The following SP100 variants were observed in gnomAD, a reference collection of about 807,000 sequenced individuals.
SP100 encodes the protein SP100 nuclear body protein.
Under a neutral mutation model 130.0 loss-of-function variants are expected in SP100, and 84 were observed. The ratio of observed to expected loss-of-function variants is 0.65; its 90% confidence interval spans 0.54 to 0.77. The LOEUF is 0.77. Ranked by LOEUF, SP100 falls within the 30% of genes least tolerant of loss-of-function variation. SP100 has a pLI of 0.00. For synonymous variants in SP100, 331 were observed against 351.7 expected, an observed-to-expected ratio of 0.94 and a Z score of 0.66; for missense variants, 978 against 1,052.2, an observed-to-expected ratio of 0.93 and a Z score of 0.97.
chr2:230,473,552 A>T, intron 16 of SP100, 112 bp downstream of exon 16: 1 of 608,374 alleles, frequency 1.6e-6, no homozygotes, highest in African/African-American at 1.9e-5. Flanking sequence ...CAGCCTCTGG[A>T]TCACCAACAG....
At chr2:230,514,706 G>A (rs975056329) in intron 24 of SP100, among the ~76,000 whole-genome samples, 1 of 152,172 alleles carries the variant, frequency 6.6e-6, no homozygotes, top group African/African-American at 2.4e-5. Flanking sequence ...TTTTAAGTTG[G>A]CTTTGCTGGA....
chr2:230,521,518 T>A (rs1691169502), intron 24 of SP100, among the ~76,000 whole-genome samples: 1 of 152,190 alleles, frequency 6.6e-6, no homozygotes, highest in Non-Finnish European at 1.5e-5. Context: ...TATAAACCCC[T>A]AATTTTAGTC....
intron 2 of SP100, among the ~76,000 whole-genome samples, chr2:230,436,926 AAGTGTATACACACACG>A (rs746374138): frequency 1.2e-5 from 1 of 81,136 alleles, no homozygotes; most frequent in Non-Finnish European, 2.5e-5. Context: ...GTATACACAC[AAGTGTATACACACACG>A]CATATATGTG....
At chr2:230,525,370 C>T (rs1002485138) in intron 24 of SP100, among the ~76,000 whole-genome samples, 2 of 152,060 alleles carry the variant, frequency 1.3e-5, no homozygotes, top group African/African-American at 2.4e-5. Context: ...TAACATTGCT[C>T]ATAGTTAAAG....
intron 8 of SP100, among the ~76,000 whole-genome samples, chr2:230,455,228 A>AT (rs1028692491): frequency 6.6e-6 from 1 of 151,838 alleles, no homozygotes; most frequent in African/African-American, 2.4e-5. Context: ...CATCTGACTA[A>AT]TTTTTTTTAG....
chr2:230,541,151 A>T (rs1692157283), intron 26 of SP100, 150 bp from the exon 27 acceptor site: 2 of 1,246,592 alleles, frequency 1.6e-6, no homozygotes, highest in Non-Finnish European at 2.2e-6. Context: ...TTCATATTCC[A>T]AAGAAAAATC....
Position 230,469,296 on chromosome 2 carries a change from A to G in SP100, c.1345+200A>G, listed in dbSNP as rs1649878. 0.23 allele frequency among the ~76,000 whole-genome samples: 34,978 copies of G among 152,042 alleles called. 4,845 individuals are homozygous for G. The highest frequency in any genetic ancestry group is 0.32 in the Non-Finnish European group (21,740 of 67,880). On this transcript the variant is annotated intron_variant, in intron 14 of 28. Coordinates refer to ENST00000340126, the MANE Select transcript of SP100 (RefSeq NM_001080391.2). ...AAATGTTCAAAGGCACAAGTGCAAC[A>G]TAAGTTTATTTTTCACTCACATAAA...
At chr2:230,491,516 C>T (rs1416923316) in intron 17 of SP100, among the ~76,000 whole-genome samples, 1 of 152,226 alleles carries the variant, frequency 6.6e-6, no homozygotes, top group Non-Finnish European at 1.5e-5. Flanking sequence ...GCCTCCCTGG[C>T]TCCAGCAGAG....
Position 230,462,495 on chromosome 2 carries a change from T to A in SP100, c.1034T>A (p.Ile345Asn). 6.2e-7 allele frequency: 1 copy of A among 1,613,752 alleles called. No individual in the cohort carries two copies. The highest frequency in any genetic ancestry group is 1.7e-5 in the Admixed American group (1 of 60,014). The stretch of plus-strand genomic sequence containing the variant: ...GTTGATGAGCCCTTAGAAGTCTTCA[T>A]CTCAGCACCGAGAAGTGAGCCTGGT... ...TDVDEPLEVF[I>N]SAPRSEPVIN... The change falls in exon 10 of 29, where the codon ATC becomes AAC. Residue 345 changes from isoleucine (I) to asparagine (N), a missense_variant. By Grantham distance (149) the Ile-to-Asn change is moderately radical. Transcript: ENST00000340126.
intron 24 of SP100, among the ~76,000 whole-genome samples, chr2:230,518,291 T>G (rs1035625257): frequency 2.0e-5 from 3 of 152,014 alleles, no homozygotes; most frequent in African/African-American, 7.2e-5. Context: ...GTAAAGAACA[T>G]ATTTTTATGC....
intron 2 of SP100, chr2:230,440,610 T>C: frequency 1.5e-6 from 2 of 1,340,386 alleles, no homozygotes; most frequent in South Asian, 2.2e-5. Context: ...TCAATGTTGT[T>C]GTCATCTCCC....
chr2:230,491,181 G>A (rs1279729221), intron 17 of SP100, among the ~76,000 whole-genome samples: 1 of 152,156 alleles, frequency 6.6e-6, no homozygotes, highest in African/African-American at 2.4e-5. Flanking sequence ...GAAGCACATT[G>A]ACTGTCCCTT....
At chr2:230,527,133 C>T (rs1406690209) in intron 24 of SP100, among the ~76,000 whole-genome samples, 6 of 152,010 alleles carry the variant, frequency 3.9e-5, no homozygotes, top group South Asian at 2.1e-4. Flanking sequence ...TCAGATTCAC[C>T]GAGGTTGAAA....
intron 8 of SP100, among the ~76,000 whole-genome samples, chr2:230,451,388 T>C (rs1198548013): frequency 6.6e-6 from 1 of 152,318 alleles, no homozygotes; most frequent in South Asian, 2.1e-4. Flanking sequence ...CTTGATGATA[T>C]CCGAGGCAGG....
At position 230,544,758 on chromosome 2, in the gene SP100, G is replaced by A. The variant is rs924387507; in HGVS notation, c.*1812G>A. ...GGCCTCCCAAAGTGCTGGGATTACA[G>A]GCATCAGCCACCATGCCCGGATGAA... On this transcript the variant is annotated 3_prime_UTR_variant, in exon 29 of 29. Coordinates refer to ENST00000340126, the MANE Select transcript of SP100 (RefSeq NM_001080391.2). 6.6e-6 allele frequency among the ~76,000 whole-genome samples: 1 copy of A among 152,196 alleles called. No individual in the cohort carries two copies. The highest frequency in any genetic ancestry group is 2.4e-5 in the African/African-American group (1 of 41,454).
intron 24 of SP100, among the ~76,000 whole-genome samples, chr2:230,518,453 A>C (rs1691025331): frequency 6.6e-6 from 1 of 151,918 alleles, no homozygotes; most frequent in South Asian, 2.1e-4. Flanking sequence ...ATTGTCTATC[A>C]CATGACAGTA....
chr2:230,534,367 G>C (rs1313869928), intron 24 of SP100, among the ~76,000 whole-genome samples: 6 of 152,170 alleles, frequency 3.9e-5, no homozygotes, highest in Non-Finnish European at 7.4e-5. Context: ...GATTGCACCA[G>C]TGCATTCCAG....
At chr2:230,416,355 C>T in intron 1 of SP100, 27 bp downstream of exon 1, 1 of 1,605,276 alleles carries the variant, frequency 6.2e-7, no homozygotes, top group South Asian at 1.1e-5. Flanking sequence ...CTTCCTTTAA[C>T]CTTTATCTCT....
chr2:230,446,777 C>G, intron 4 of SP100, 42 bp from the exon 5 acceptor site: 1 of 1,230,468 alleles, frequency 8.1e-7, no homozygotes, highest in South Asian at 1.2e-5. Context: ...GTCCCTGGTC[C>G]CTGTAGATCT....
Sources: gnomAD v4.1 joint callset for allele counts (sites outside exome capture counted in the v4.1 genomes callset) on GRCh38, gnomAD v4.1.1 for gene constraint, MANE v1.5 for transcripts, NCBI Gene and HGNC (gene_info 2026-07-23, HGNC 2026-07-21) for gene names.